KLHL26: variants seen among roughly 807,000 people sequenced by gnomAD.
KLHL26 encodes kelch-like protein 26.
In KLHL26, 4 loss-of-function variants were observed where a neutral mutation model predicts 7.1. That is an observed-to-expected ratio of 0.56 (90% CI 0.28 to 1.28). The LOEUF (loss-of-function observed/expected upper bound fraction) is 1.28. Ranked by LOEUF, KLHL26 falls within the 50% of genes most tolerant of loss-of-function variation. The pLI is 0.11. For synonymous variants in KLHL26, 465 were observed against 414.1 expected, an observed-to-expected ratio of 1.12 and a Z score of -1.49; for missense variants, 896 against 924.6, an observed-to-expected ratio of 0.97 and a Z score of 0.40.
intron 1 of KLHL26, among the ~76,000 whole-genome samples, chr19:18,641,507 C>T (rs1334457714): frequency 6.6e-6 from 1 of 150,486 alleles, no homozygotes; most frequent in East Asian, 1.9e-4. Flanking sequence ...TTAGTGGAGA[C>T]GGGGTTTCAC....
At position 18,664,273 on chromosome 19, in the gene KLHL26, G is replaced by C. The variant is rs1335523758; in HGVS notation, c.96G>C (p.Lys32Asn). 4 of 1,601,716 alleles carry C rather than the reference G, an allele frequency of 2.5e-6. No individual in the cohort carries two copies. The highest frequency in any genetic ancestry group is 3.4e-6 in the Non-Finnish European group (4 of 1,175,210). ...GCTTTCCCCGCAGCACGGCCGACAA[G>C]AACGGGGCCCTCAAGTGCACCTTCT... Reference protein sequence around the residue: ...GPERPNSTADKNGALKCTFSA... With the variant: ...GPERPNSTADNNGALKCTFSA... Residue 32 changes from lysine (K) to asparagine (N), a missense_variant, in exon 2 of 3, where the codon AAG becomes AAC. Coordinates refer to ENST00000300976, the MANE Select transcript of KLHL26 (RefSeq NM_018316.3).
chr19:18,662,966 C>T (rs1274347506), intron 1 of KLHL26, among the ~76,000 whole-genome samples: 2 of 152,122 alleles, frequency 1.3e-5, no homozygotes, highest in Non-Finnish European at 2.9e-5. Flanking sequence ...TCCCTGCCCT[C>T]CTCAGCTTTC....
chr19:18,655,364 C>T (rs1024930418), intron 1 of KLHL26, among the ~76,000 whole-genome samples: 4 of 152,226 alleles, frequency 2.6e-5, no homozygotes, highest in African/African-American at 9.6e-5. Context: ...GTGATGGTCA[C>T]GATCAGAGGC....
In KLHL26 at chr19:18,656,356, C is replaced by G. The variant is rs1321179606; in HGVS notation, c.84-7905C>G. ...ATCCTCGATTCCGAAACCTGCCTGCCTGCCCTCCCTGAACTCCCGGTGTGA... is the reference window on the plus strand; with the variant it reads ...ATCCTCGATTCCGAAACCTGCCTGCGTGCCCTCCCTGAACTCCCGGTGTGA... On this transcript the variant is annotated intron_variant, in intron 1 of 2. Transcript: ENST00000300976. The surrounding 1 kb of genome is among the most constrained non-coding windows in gnomAD (Gnocchi z 4.4). 1.3e-5 allele frequency among the ~76,000 whole-genome samples: 2 copies of G among 152,218 alleles called. No individual in the cohort carries two copies. Among genetic ancestry groups the G allele is most frequent in the Non-Finnish European group, 2.9e-5 (2 of 68,038 alleles).
chr19:18,653,287 T>A (rs1381821502), intron 1 of KLHL26, among the ~76,000 whole-genome samples: 1 of 148,860 alleles, frequency 6.7e-6, no homozygotes, highest in African/African-American at 2.5e-5. Flanking sequence ...CACTCACTCC[T>A]TCTTACCCAC....
chr19:18,667,031 G>A (rs2052454886), intron 2 of KLHL26, among the ~76,000 whole-genome samples: 1 of 152,236 alleles, frequency 6.6e-6, no homozygotes. Context: ...CACCGCTCCT[G>A]CAGCTCCAAC....
At position 18,664,405 on chromosome 19, in the gene KLHL26, A is replaced by C; in HGVS notation, c.228A>C (p.Ala76=). The C allele has an allele frequency of 6.2e-7, 1 of 1,601,062 alleles. No homozygotes were observed. Among genetic ancestry groups the C allele is most frequent in the Non-Finnish European group, 8.5e-7 (1 of 1,174,270 alleles). The change falls in exon 2 of 3, where the codon GCA becomes GCC. Residue 76 remains alanine, a synonymous_variant. Coordinates refer to ENST00000300976, the MANE Select transcript of KLHL26 (RefSeq NM_018316.3). ...CTATTAACAGAGAGGCCTTTCCTGCACACAAGGTCGTCCTGGCTGCCTGCA... is the reference window on the plus strand; with the variant it reads ...CTATTAACAGAGAGGCCTTTCCTGCCCACAAGGTCGTCCTGGCTGCCTGCA... ...VLTINREAFP[A]HKVVLAACSD... is the part of the protein sequence containing the mutation.
At chr19:18,642,860 GTC>G (rs1184873346) in intron 1 of KLHL26, among the ~76,000 whole-genome samples, 2 of 149,596 alleles carry the variant, frequency 1.3e-5, no homozygotes, top group Non-Finnish European at 3.0e-5. Context: ...TTGAGACATT[GTC>G]TCATTCTGTC....
At chr19:18,665,725 C>T (rs757140373) in intron 2 of KLHL26, among the ~76,000 whole-genome samples, 7 of 152,204 alleles carry the variant, frequency 4.6e-5, no homozygotes, top group Admixed American at 2.0e-4. Context: ...GCTTTCTCCT[C>T]GCCAGCTGGG....
Position 18,650,872 on chromosome 19 carries a change from C to T in KLHL26, c.84-13389C>T, listed in dbSNP as rs2052247630. ...CGCCGCCCACTCGCCCTCAGAATGG[C>T]CCTCAGCGGGGCTTCCTGACCCCTC... is the stretch of plus-strand genomic sequence containing the variant. On this transcript the variant is annotated intron_variant, in intron 1 of 2. Coordinates refer to ENST00000300976, the MANE Select transcript of KLHL26 (RefSeq NM_018316.3). This position sits in a 1 kb window ranked among gnomAD's most constrained non-coding sequence, Gnocchi z 4.2. Among the ~76,000 whole-genome samples the T allele has an allele frequency of 6.6e-6, 1 of 152,174 alleles. No individual in the cohort carries two copies. Among genetic ancestry groups the T allele is most frequent in the Admixed American group, 6.5e-5 (1 of 15,278 alleles).
intron 1 of KLHL26, among the ~76,000 whole-genome samples, chr19:18,657,594 G>C (rs1056119578): frequency 1.3e-5 from 2 of 151,934 alleles, no homozygotes; most frequent in African/African-American, 4.8e-5. Context: ...CTGTCCCTCT[G>C]TCCCAGTCTC....
In KLHL26 at chr19:18,668,230, GCCAGTATCTGCTGGAGGC is replaced by G; in HGVS notation, c.835_852del (p.Gln279_Ala284del). 3 of 1,612,022 alleles carry G rather than the reference GCCAGTATCTGCTGGAGGC, an allele frequency of 1.9e-6. No homozygotes were observed. The South Asian group carries it at 3.3e-5, about 18-fold the overall frequency. ...ATCATGGTGGAGGACGTGCTGTGCC[GCCAGTATCTGCTGGAGGC>G]CTTCAACTACCAGGTGCTGCCCTTC... is the stretch of plus-strand genomic sequence containing the variant. On this transcript the variant is annotated inframe_deletion, in exon 3 of 3. Transcript: ENST00000300976.
intron 1 of KLHL26, among the ~76,000 whole-genome samples, chr19:18,637,707 G>A (rs1416738111): frequency 6.6e-6 from 1 of 150,656 alleles, no homozygotes; most frequent in Non-Finnish European, 1.5e-5. Flanking sequence ...GAGGGGGCCT[G>A]GGGTGGGTCT....
chr19:18,667,483 C>G, intron 2 of KLHL26, 181 bp from the exon 3 acceptor site: 1 of 1,077,880 alleles, frequency 9.3e-7, no homozygotes, highest in South Asian at 1.7e-5. Context: ...GGATTACAGG[C>G]ATGAGCCACC....
chr19:18,665,667 C>T (rs1023017735), intron 2 of KLHL26, among the ~76,000 whole-genome samples: 3 of 152,196 alleles, frequency 2.0e-5, no homozygotes, highest in South Asian at 2.1e-4. Flanking sequence ...GTGCCGTGGC[C>T]GGGCCGGAAG....
At chr19:18,667,186 G>GTC (rs1277399180) in intron 2 of KLHL26, among the ~76,000 whole-genome samples, 4 of 151,668 alleles carry the variant, frequency 2.6e-5, no homozygotes, top group Non-Finnish European at 5.9e-5. Context: ...TTGAGACAGA[G>GTC]TCTCACTCTT....
At position 18,646,414 on chromosome 19, in the gene KLHL26, G is replaced by A. The variant is rs143532967; in HGVS notation, c.83+9277G>A. On this transcript the variant is annotated intron_variant, in intron 1 of 2. Transcript: ENST00000300976. This position sits in a 1 kb window ranked among gnomAD's most constrained non-coding sequence, Gnocchi z 5.0. ...TGGGATTACAGGCATGAGCCAGTGC[G>A]CCCGGCCTCATGCCCCTTTCAGAAG... is the stretch of plus-strand genomic sequence containing the variant. Among the ~76,000 whole-genome samples the A allele has an allele frequency of 9.5e-4, 144 of 152,276 alleles. No individual in the cohort carries two copies. The highest frequency in any genetic ancestry group is 3.2e-3 in the African/African-American group (134 of 41,560).
In KLHL26 at chr19:18,650,342, G is replaced by A. The variant is rs190427239; in HGVS notation, c.83+13205G>A. Among the ~76,000 whole-genome samples the A allele has an allele frequency of 1.3e-5, 2 of 152,186 alleles. No individual in the cohort carries two copies. Among genetic ancestry groups the A allele is most frequent in the African/African-American group, 4.8e-5 (2 of 41,442 alleles). ...TTTCCCGGAGCGGGGTGGAAGGAGT[G>A]TCAAGGTGACTGTGAGATGACAGAC... On this transcript the variant is annotated intron_variant, in intron 1 of 2. Coordinates refer to ENST00000300976, the MANE Select transcript of KLHL26 (RefSeq NM_018316.3). This position sits in a 1 kb window ranked among gnomAD's most constrained non-coding sequence, Gnocchi z 4.2.
Position 18,667,673 on chromosome 19 carries a change from C to T in KLHL26, c.276C>T (p.Phe92=). Residue 92 remains phenylalanine, a synonymous_variant, in exon 3 of 3, where the codon TTC becomes TTT. Transcript: ENST00000300976. ...AACSDYFRAM[F]TGGMREASQD... is the part of the protein sequence containing the mutation. ...TGTTTCTGCCCTTCAGGGCCATGTT[C>T]ACCGGCGGCATGCGGGAGGCAAGCC... 1 of 1,610,638 alleles carries T rather than the reference C, an allele frequency of 6.2e-7. No individual in the cohort carries two copies. Among genetic ancestry groups the T allele is most frequent in the Non-Finnish European group, 8.5e-7 (1 of 1,178,482 alleles).
Sources: gnomAD v4.1 joint callset for allele counts (sites outside exome capture counted in the v4.1 genomes callset) on GRCh38, gnomAD v4.1.1 for gene constraint, Gnocchi (gnomAD v3.1) non-coding constraint, MANE v1.5 for transcripts, NCBI Gene and HGNC (gene_info 2026-07-23, HGNC 2026-07-21) for gene names.